Variants in TMTC1 observed in about 807,000 individuals in gnomAD.
TMTC1 encodes the protein protein O-mannosyl-transferase TMTC1.
Under a neutral mutation model 104.8 loss-of-function variants are expected in TMTC1, and 73 were observed. That is an observed-to-expected ratio of 0.70 (90% CI 0.58 to 0.85). The LOEUF (loss-of-function observed/expected upper bound fraction) is 0.85, where lower values mean the gene tolerates loss of function less well. Among genes scored for constraint, TMTC1 ranks in the 40% least tolerant of loss-of-function variants. TMTC1 has a pLI of 0.00. For missense variants in TMTC1, 1,035 were observed against 1,096.1 expected, an observed-to-expected ratio of 0.94 and a Z score of 0.79; for synonymous variants, 434 against 428.7, an observed-to-expected ratio of 1.01 and a Z score of -0.15.
intron 15 of TMTC1, among the ~76,000 whole-genome samples, chr12:29,515,287 G>A (rs1943952501): frequency 6.6e-6 from 1 of 152,002 alleles, no homozygotes; most frequent in East Asian, 1.9e-4. Context: ...TGACCCCACT[G>A]CAGCCAAAGA....
At chr12:29,775,222 T>A (rs1485364520) in intron 1 of TMTC1, among the ~76,000 whole-genome samples, 9 of 151,548 alleles carry the variant, frequency 5.9e-5, no homozygotes, top group Admixed American at 4.6e-4. Flanking sequence ...ATTTTTAGCA[T>A]TTTTTTTTAA....
At chr12:29,727,115 C>A (rs1942413883) in intron 5 of TMTC1, among the ~76,000 whole-genome samples, 1 of 152,192 alleles carries the variant, frequency 6.6e-6, no homozygotes, top group African/African-American at 2.4e-5. Flanking sequence ...AATGTCTCAG[C>A]TTCTCTGTAT....
intron 5 of TMTC1, among the ~76,000 whole-genome samples, chr12:29,687,199 T>C (rs1941120887): frequency 6.6e-6 from 1 of 152,172 alleles, no homozygotes; most frequent in Admixed American, 6.6e-5. Flanking sequence ...GAGGAGGAAA[T>C]AGCTTCACAG....
Position 29,585,982 on chromosome 12 carries a change from A to G in TMTC1, c.1251-2408T>C, listed in dbSNP as rs533047133. On this transcript the variant is annotated intron_variant, in intron 7 of 17. Transcript: ENST00000539277. ...TTTTTCCAATTCTGTGAAGAAAGTC[A>G]TTGGTAGCTTGATGGGGATGGCATT... Among the ~76,000 whole-genome samples the G allele has an allele frequency of 3.3e-5, 5 of 152,242 alleles. No individual in the cohort carries two copies. In the South Asian group the frequency reaches 6.2e-4, roughly 19 times the overall value.
intron 1 of TMTC1, among the ~76,000 whole-genome samples, chr12:29,770,355 C>T (rs115152931): frequency 1.1e-3 from 164 of 152,144 alleles, no homozygotes; most frequent in African/African-American, 3.8e-3. Context: ...AATGTCCAAG[C>T]GTTATCCATG....
At chr12:29,711,791 G>T (rs914317384) in intron 5 of TMTC1, among the ~76,000 whole-genome samples, 29 of 152,150 alleles carry the variant, frequency 1.9e-4, no homozygotes, top group Non-Finnish European at 4.0e-4. Flanking sequence ...AGATCATGAG[G>T]TCAGGAGATC....
intron 5 of TMTC1, among the ~76,000 whole-genome samples, chr12:29,639,000 C>T (rs1938703107): frequency 6.6e-6 from 1 of 152,190 alleles, no homozygotes; most frequent in Non-Finnish European, 1.5e-5. Flanking sequence ...CTTCCCCTGC[C>T]CATAACCTTC....
chr12:29,689,758 C>T (rs998773908), intron 5 of TMTC1, among the ~76,000 whole-genome samples: 1 of 152,154 alleles, frequency 6.6e-6, no homozygotes, highest in South Asian at 2.1e-4. Context: ...AGTAAATGTG[C>T]TCCCTTCTGT....
intron 6 of TMTC1, among the ~76,000 whole-genome samples, chr12:29,604,932 C>T (rs897845830): frequency 1.3e-5 from 2 of 152,016 alleles, no homozygotes; most frequent in Non-Finnish European, 2.9e-5. Flanking sequence ...ATTAAATTGA[C>T]AAAGAACCTC....
At chr12:29,648,657 A>AGTGC (rs1011846756) in intron 5 of TMTC1, among the ~76,000 whole-genome samples, 7 of 152,196 alleles carry the variant, frequency 4.6e-5, no homozygotes, top group African/African-American at 1.7e-4. Context: ...CCAGGAGCAC[A>AGTGC]GTGCTTGTTC....
At chr12:29,611,130 G>A (rs1393665008) in intron 6 of TMTC1, among the ~76,000 whole-genome samples, 2 of 151,548 alleles carry the variant, frequency 1.3e-5, no homozygotes, top group African/African-American at 4.9e-5. Flanking sequence ...AAAATCAGAG[G>A]ATTTATAAAC....
intron 5 of TMTC1, among the ~76,000 whole-genome samples, chr12:29,682,720 A>G (rs1345896429): frequency 6.6e-6 from 1 of 152,200 alleles, no homozygotes; most frequent in Non-Finnish European, 1.5e-5. Context: ...TGGAAAACTG[A>G]TTAGTGGTTG....
chr12:29,736,479 G>A (rs1942677679), intron 5 of TMTC1, among the ~76,000 whole-genome samples: 1 of 151,816 alleles, frequency 6.6e-6, no homozygotes, highest in Admixed American at 6.6e-5. Context: ...GAGTGCAGTG[G>A]CGCGATCTGG....
intron 6 of TMTC1, among the ~76,000 whole-genome samples, chr12:29,619,090 A>C (rs192720319): frequency 3.3e-5 from 5 of 152,324 alleles, no homozygotes; most frequent in Admixed American, 2.6e-4. Context: ...GGAAAAAAAA[A>C]CTAAAGCTGT....
At chr12:29,583,270 T>A (rs1946032511) in intron 8 of TMTC1, 137 bp downstream of exon 8, 2 of 735,996 alleles carry the variant, frequency 2.7e-6, no homozygotes, top group African/African-American at 1.8e-5. Context: ...TAAAATTACA[T>A]CTTCCATTTA....
intron 6 of TMTC1, among the ~76,000 whole-genome samples, chr12:29,631,565 A>T (rs1419218331): frequency 1.3e-5 from 2 of 152,170 alleles, no homozygotes; most frequent in Non-Finnish European, 2.9e-5. Flanking sequence ...TTTAGCCCTG[A>T]ATTCTCAATT....
At position 29,583,502 on chromosome 12, in the gene TMTC1, G is replaced by A; in HGVS notation, c.1323C>T (p.Thr441=). 2 of 1,613,936 alleles carry A rather than the reference G, an allele frequency of 1.2e-6. No homozygotes were observed. Among genetic ancestry groups the A allele is most frequent in the Non-Finnish European group, 1.7e-6 (2 of 1,179,898 alleles). Residue 441 remains threonine (T), a synonymous_variant, in exon 8 of 18, where the codon ACC becomes ACT. Coordinates refer to ENST00000539277, the MANE Select transcript of TMTC1 (RefSeq NM_001193451.2). ...GCAACACAGTGGACACAATCAGGGT[G>A]GTGGCCCCACATCGATTCAGCCAAG... The part of the protein sequence containing the change: ...LCTWLNRCGA[T]TLIVSTVLLL...
chr12:29,579,074 A>G (rs1025732841), intron 8 of TMTC1, among the ~76,000 whole-genome samples: 1 of 152,294 alleles, frequency 6.6e-6, no homozygotes, highest in Non-Finnish European at 1.5e-5. Flanking sequence ...ACCTTTTTGT[A>G]AGGTTACAGA....
chr12:29,630,407 A>G (rs1431434633), intron 6 of TMTC1, among the ~76,000 whole-genome samples: 7 of 152,164 alleles, frequency 4.6e-5, no homozygotes, highest in Admixed American at 4.6e-4. Context: ...CTCTCTCACT[A>G]TCACAAGAAC....
Sources: allele counts gnomAD v4.1 joint callset (sites outside exome capture counted in the v4.1 genomes callset), GRCh38; gene constraint gnomAD v4.1.1; transcripts MANE v1.5; gene names NCBI Gene and HGNC (gene_info 2026-07-23, HGNC 2026-07-21).